CNTNAP2: variants seen among roughly 807,000 people sequenced by gnomAD.
The protein encoded by CNTNAP2 is contactin associated protein 2.
Under a neutral mutation model 155.2 loss-of-function variants are expected in CNTNAP2, and 98 were observed. The ratio of observed to expected loss-of-function variants is 0.63; its 90% CI spans 0.54 to 0.75. The LOEUF is 0.75. Among genes scored for constraint, CNTNAP2 ranks in the 30% least tolerant of loss-of-function variants. CNTNAP2 has a pLI of 0.00. For missense variants in CNTNAP2, 1,727 were observed against 1,688.1 expected (o/e 1.02, Z -0.40); for synonymous variants, 651 against 631.2 (o/e 1.03, Z -0.47).
intron 13 of CNTNAP2, among the ~76,000 whole-genome samples, chr7:147,721,455 G>A (rs1013967847): frequency 6.6e-6 from 1 of 151,998 alleles, no homozygotes; most frequent in Non-Finnish European, 1.5e-5. Flanking sequence ...TCAGAAAAAG[G>A]GTGGCATTTG....
At chr7:147,268,633 C>G (rs1804670335) in intron 8 of CNTNAP2, among the ~76,000 whole-genome samples, 1 of 151,896 alleles carries the variant, frequency 6.6e-6, no homozygotes, top group South Asian at 2.1e-4. Flanking sequence ...ATGTTCTGCA[C>G]ATGTATCCTA....
intron 3 of CNTNAP2, among the ~76,000 whole-genome samples, chr7:146,962,259 G>T (rs1797570621): frequency 6.6e-6 from 1 of 152,100 alleles, no homozygotes; most frequent in South Asian, 2.1e-4. Context: ...ACAAATGAAA[G>T]AATGAGCAAC....
chr7:146,379,530 T>A (rs1795351410), intron 1 of CNTNAP2, among the ~76,000 whole-genome samples: 1 of 152,210 alleles, frequency 6.6e-6, no homozygotes, highest in Non-Finnish European at 1.5e-5. Flanking sequence ...TCTTCCCTAT[T>A]CCATTCTCAG....
chr7:146,139,794 A>C (rs1211026088), intron 1 of CNTNAP2, among the ~76,000 whole-genome samples: 1 of 152,206 alleles, frequency 6.6e-6, no homozygotes, highest in Non-Finnish European at 1.5e-5. Flanking sequence ...TAAGGTCCAT[A>C]AACATCAGTT....
At chr7:147,553,661 C>T (rs928697085) in intron 11 of CNTNAP2, among the ~76,000 whole-genome samples, 3 of 152,150 alleles carry the variant, frequency 2.0e-5, no homozygotes, top group African/African-American at 7.2e-5. Flanking sequence ...TTAGATACTA[C>T]TACCACATTA....
intron 1 of CNTNAP2, among the ~76,000 whole-genome samples, chr7:146,343,743 T>C (rs1424311708): frequency 6.6e-6 from 1 of 152,132 alleles, no homozygotes; most frequent in African/African-American, 2.4e-5. Flanking sequence ...GATATTTCAT[T>C]TGTTGCATTG....
intron 3 of CNTNAP2, among the ~76,000 whole-genome samples, chr7:146,874,537 C>T (rs1795381166): frequency 6.6e-6 from 1 of 152,094 alleles, no homozygotes; most frequent in East Asian, 1.9e-4. Flanking sequence ...TGGGGTTTCA[C>T]CATGTTGGTC....
At chr7:147,429,827 C>A (rs1797437257) in intron 10 of CNTNAP2, among the ~76,000 whole-genome samples, 2 of 152,110 alleles carry the variant, frequency 1.3e-5, no homozygotes, top group Admixed American at 1.3e-4. Context: ...ATCCTCTCCC[C>A]ACTTTATGTT....
At chr7:148,153,124 C>A (rs1212245191) in intron 17 of CNTNAP2, among the ~76,000 whole-genome samples, 2 of 150,092 alleles carry the variant, frequency 1.3e-5, no homozygotes, top group Admixed American at 1.3e-4. Context: ...GACAGCCAGG[C>A]TGTGAGGCTA....
At chr7:147,014,843 TTGTC>T (rs971459817) in intron 3 of CNTNAP2, among the ~76,000 whole-genome samples, 2 of 152,182 alleles carry the variant, frequency 1.3e-5, no homozygotes, top group African/African-American at 4.8e-5. Context: ...CTTCAGCTCT[TTGTC>T]TGCAGCATTA....
rs114641461 is a variant in CNTNAP2, at chr7:147,726,301, G to A, written c.2098+86995G>A. Among the ~76,000 whole-genome samples the A allele has an allele frequency of 3.8e-3, 576 of 152,032 alleles. 4 individuals are homozygous for A. The highest frequency in any genetic ancestry group is 0.013 in the African/African-American group (544 of 41,498). Reference sequence around the variant, plus strand: ...AAGAGGACACAAGAAGACTTTTGGCGGTGTGGATACGTTTATTACCCAGGT... The same window carrying A: ...AAGAGGACACAAGAAGACTTTTGGCAGTGTGGATACGTTTATTACCCAGGT... On this transcript the variant is annotated intron_variant, in intron 13 of 23. Transcript: ENST00000361727.
At chr7:146,639,687 C>T (rs1406727800) in intron 1 of CNTNAP2, among the ~76,000 whole-genome samples, 1 of 152,206 alleles carries the variant, frequency 6.6e-6, no homozygotes, top group Admixed American at 6.5e-5. Flanking sequence ...CAGTAGTTAG[C>T]AATTGCTGAG....
chr7:147,919,459 C>CTTTTTTTTTTTTTTTTTTT (rs796710849), intron 14 of CNTNAP2, among the ~76,000 whole-genome samples: 7 of 51,224 alleles, frequency 1.4e-4, no homozygotes, highest in Non-Finnish European at 2.3e-4. Context: ...CTTTTTCTTT[C>CTTTTTTTTTTTTTTTTTTT]TTTTTTTTTT....
At chr7:146,995,111 A>G (rs1220177539) in intron 3 of CNTNAP2, among the ~76,000 whole-genome samples, 1 of 152,026 alleles carries the variant, frequency 6.6e-6, no homozygotes, top group Admixed American at 6.6e-5. Context: ...TGCCTAGCTT[A>G]TGTCACTAAA....
chr7:147,053,956 A>G (rs1299297445), intron 4 of CNTNAP2, among the ~76,000 whole-genome samples: 1 of 152,118 alleles, frequency 6.6e-6, no homozygotes, highest in African/African-American at 2.4e-5. Context: ...CCAATCCTCT[A>G]TTTTACTAAC....
intron 13 of CNTNAP2, among the ~76,000 whole-genome samples, chr7:147,752,630 T>A (rs1447281329): frequency 6.6e-6 from 1 of 152,108 alleles, no homozygotes; most frequent in East Asian, 1.9e-4. Context: ...TTTGAAAAGG[T>A]AGATATTTGA....
chr7:146,571,959 T>TC (rs917402501), intron 1 of CNTNAP2, among the ~76,000 whole-genome samples: 2 of 151,994 alleles, frequency 1.3e-5, no homozygotes, highest in African/African-American at 2.4e-5. Flanking sequence ...CCTCAGATGA[T>TC]CCCCCCACCT....
chr7:147,857,979 C>G (rs375105415), intron 13 of CNTNAP2, among the ~76,000 whole-genome samples: 1 of 152,172 alleles, frequency 6.6e-6, no homozygotes. Context: ...CTACACAGTA[C>G]GATCTTTTTA....
intron 15 of CNTNAP2, among the ~76,000 whole-genome samples, chr7:148,016,506 G>C (rs763451799): frequency 6.6e-6 from 1 of 152,172 alleles, no homozygotes; most frequent in Admixed American, 6.6e-5. Context: ...GCTTATCTGG[G>C]GGAAGACACT....
Sources: allele counts gnomAD v4.1 joint callset (sites outside exome capture counted in the v4.1 genomes callset), GRCh38; gene constraint gnomAD v4.1.1; transcripts MANE v1.5; gene names NCBI Gene and HGNC (gene_info 2026-07-23, HGNC 2026-07-21).